Variants in FARP2 observed in about 807,000 individuals in gnomAD.
The protein encoded by FARP2 is FERM, ARHGEF and pleckstrin domain-containing protein 2.
Under a neutral mutation model 130.5 loss-of-function variants are expected in FARP2, and 111 were observed. The ratio of observed to expected loss-of-function variants is 0.85; its 90% CI spans 0.73 to 1.00. FARP2 has a LOEUF of 1.00. FARP2 is among the 50% of genes least tolerant of loss of function. FARP2 has a pLI of 0.00. For synonymous variants in FARP2, 504 were observed against 516.9 expected (o/e 0.98, Z 0.34); for missense variants, 1,385 against 1,346.3 (o/e 1.03, Z -0.45).
At chr2:241,357,442 T>G (rs1219192030) in intron 1 of FARP2, among the ~76,000 whole-genome samples, 3 of 152,184 alleles carry the variant, frequency 2.0e-5, no homozygotes, top group Non-Finnish European at 4.4e-5. Context: ...ATAATTTAAA[T>G]TTTCTACATC....
intron 10 of FARP2, 71 bp downstream of exon 10, chr2:241,434,392 G>C: frequency 8.7e-7 from 1 of 1,151,022 alleles, no homozygotes; most frequent in Admixed American, 2.8e-5. Flanking sequence ...GTAATTCCTA[G>C]TCAAGAAAGA....
intron 18 of FARP2, among the ~76,000 whole-genome samples, chr2:241,469,647 C>G (rs1251481033): frequency 6.6e-6 from 1 of 152,150 alleles, no homozygotes; most frequent in Non-Finnish European, 1.5e-5. Flanking sequence ...CATAACCACA[C>G]CATGTTTAAA....
chr2:241,465,356 G>A, intron 17 of FARP2: 2 of 855,034 alleles, frequency 2.3e-6, no homozygotes, highest in East Asian at 2.6e-5. Flanking sequence ...CCCTCCCCAG[G>A]GCAGGACCTG....
chr2:241,429,850 A>C (rs1456658069), intron 8 of FARP2, among the ~76,000 whole-genome samples: 1 of 152,246 alleles, frequency 6.6e-6, no homozygotes, highest in Non-Finnish European at 1.5e-5. Context: ...CCAGAGGCTG[A>C]GACAGGATGA....
At chr2:241,469,753 C>T (rs561417128) in intron 18 of FARP2, among the ~76,000 whole-genome samples, 1 of 152,326 alleles carries the variant, frequency 6.6e-6, no homozygotes, top group African/African-American at 2.4e-5. Context: ...GGAAGCCATG[C>T]CATGGAGAAG....
chr2:241,365,634 A>G (rs926285167), intron 1 of FARP2, among the ~76,000 whole-genome samples: 2 of 152,146 alleles, frequency 1.3e-5, no homozygotes, highest in Non-Finnish European at 2.9e-5. Context: ...AGACAAGGTC[A>G]TTTCTCCTGT....
chr2:241,368,264 A>G (rs541971046), intron 1 of FARP2, among the ~76,000 whole-genome samples: 1 of 152,174 alleles, frequency 6.6e-6, no homozygotes, highest in East Asian at 1.9e-4. Context: ...TTCACGTTGA[A>G]AGAAGATGGC....
chr2:241,417,796 G>A (rs990103405), intron 7 of FARP2, among the ~76,000 whole-genome samples, 166 bp from the exon 8 acceptor site: 4 of 152,250 alleles, frequency 2.6e-5, no homozygotes, highest in Non-Finnish European at 4.4e-5. Context: ...TGGCCTGCAC[G>A]TGTGGTATGC....
chr2:241,372,897 C>A (rs1013231116), intron 1 of FARP2, 187 bp from the exon 2 acceptor site: 1 of 345,602 alleles, frequency 2.9e-6, no homozygotes, highest in Admixed American at 4.8e-5. Flanking sequence ...ATTTTATGCT[C>A]CACCTATGAG....
intron 20 of FARP2, 171 bp from the exon 21 acceptor site, chr2:241,484,071 C>T: frequency 7.1e-7 from 1 of 1,405,120 alleles, no homozygotes; most frequent in African/African-American, 1.4e-5. Context: ...CCTTTCCTGC[C>T]TCTGGTCAAA....
chr2:241,369,744 C>A (rs1209360185), intron 1 of FARP2, among the ~76,000 whole-genome samples: 1 of 152,056 alleles, frequency 6.6e-6, no homozygotes, highest in African/African-American at 2.4e-5. Context: ...GAAAGAATGC[C>A]TTTGGTGACC....
intron 12 of FARP2, 64 bp from the exon 13 acceptor site, chr2:241,441,240 G>A: frequency 6.7e-7 from 1 of 1,495,444 alleles, no homozygotes. Flanking sequence ...AGGTGGCTTT[G>A]CAACTTCTAG....
chr2:241,493,933 A>G (rs2018761), intron 26 of FARP2, 75 bp from the exon 27 acceptor site: 735,044 of 920,894 alleles, frequency 0.8, 294,866 homozygotes, highest in East Asian at 0.95. Flanking sequence ...TGCTTGTCCC[A>G]TATCCTGGGT....
chr2:241,413,838 G>T (rs990188058), intron 7 of FARP2, among the ~76,000 whole-genome samples: 1 of 152,016 alleles, frequency 6.6e-6, no homozygotes, highest in South Asian at 2.1e-4. Context: ...AGCTACTCAG[G>T]AGGTGAGGCA....
chr2:241,402,863 TATATATATATATATA>T (rs2062219150), intron 2 of FARP2, among the ~76,000 whole-genome samples: 6 of 15,646 alleles, frequency 3.8e-4, no homozygotes, highest in African/African-American at 7.4e-4. Context: ...TATATATATA[TATATATATATATATA>T]TATTTTTTTT....
chr2:241,424,492 C>T (rs2062883047), intron 8 of FARP2, among the ~76,000 whole-genome samples: 1 of 151,850 alleles, frequency 6.6e-6, no homozygotes, highest in Non-Finnish European at 1.5e-5. Context: ...TACTAAATGC[C>T]CACATCAAAA....
intron 4 of FARP2, among the ~76,000 whole-genome samples, chr2:241,407,015 G>A (rs13025876): frequency 1 from 152,030 of 152,096 alleles, 75,982 homozygotes; most frequent in Middle Eastern, 1. Context: ...TCACTGTGTT[G>A]GCCAGGATGG....
At chr2:241,465,475 G>C in intron 17 of FARP2, 1 of 1,550,544 alleles carries the variant, frequency 6.4e-7, no homozygotes, top group African/African-American at 1.4e-5. Context: ...CCAGCTCCAC[G>C]AAGGGCATGT....
rs761487708 is a variant in FARP2, at chr2:241,492,973, T to C, written c.2832T>C (p.His944=). 6.2e-7 allele frequency: 1 copy of C among 1,613,300 alleles called. No homozygotes were observed. Among genetic ancestry groups the C allele is most frequent in the Non-Finnish European group, 8.5e-7 (1 of 1,179,242 alleles). Residue 944 remains histidine (H), a synonymous_variant, in exon 25 of 27, where the codon CAT becomes CAC. Coordinates refer to ENST00000264042, the MANE Select transcript of FARP2 (RefSeq NM_014808.4). ...GYLLRKFKNS[H]GWQKLWVVFT... Reference sequence around the variant, plus strand: ...TGCTAAGAAAGTTCAAAAACAGTCATGGCTGGCAGAAGCTCTGGGTCGTCT... The same window carrying C: ...TGCTAAGAAAGTTCAAAAACAGTCACGGCTGGCAGAAGCTCTGGGTCGTCT...
Sources: gnomAD v4.1 joint callset for allele counts (sites outside exome capture counted in the v4.1 genomes callset) on GRCh38, gnomAD v4.1.1 for gene constraint, MANE v1.5 for transcripts, NCBI Gene and HGNC (gene_info 2026-07-23, HGNC 2026-07-21) for gene names.